LRRC41: variants seen among roughly 807,000 people sequenced by gnomAD.
The protein encoded by LRRC41 is leucine-rich repeat-containing protein 41.
In LRRC41, 17 loss-of-function variants were observed where a neutral mutation model predicts 72.1. The ratio of observed to expected loss-of-function variants is 0.24; its 90% confidence interval spans 0.16 to 0.35. The LOEUF (loss-of-function observed/expected upper bound fraction) is 0.35, where lower values mean the gene tolerates loss of function less well. LRRC41 is among the 10% of genes least tolerant of loss of function. LRRC41 has a pLI of 1.00. For missense variants in LRRC41, 759 were observed against 1,065.0 expected (o/e 0.71, Z 4.00); for synonymous variants, 427 against 431.0 (o/e 0.99, Z 0.11).
In LRRC41 at chr1:46,302,463, C is replaced by T; in HGVS notation, c.199+661G>A. On this transcript the variant is annotated intron_variant, in intron 1 of 9. Coordinates refer to ENST00000617190, the MANE Select transcript of LRRC41 (RefSeq NM_006369.5). The surrounding 1 kb of genome is among the most constrained non-coding windows in gnomAD (Gnocchi z 4.7). ...TCGGTCGCTTAGTCAGTTTGGCACC[C>T]GAGACCCCGGTTGTCGGTTCGCTCC... 1 of 985,422 alleles carries T rather than the reference C, an allele frequency of 1.0e-6. No homozygotes were observed. The highest frequency in any genetic ancestry group is 1.2e-6 in the Non-Finnish European group (1 of 829,922). The allele number at this position is 985,422 out of a possible 1,614,324, so 61.0% of individuals were successfully genotyped here. A position where few individuals can be genotyped will look rare whatever the true frequency, so the allele number is the denominator to read the frequency against.
intron 4 of LRRC41, among the ~76,000 whole-genome samples, chr1:46,281,924 C>T (rs1466418264): frequency 6.6e-6 from 1 of 152,136 alleles, no homozygotes; most frequent in Non-Finnish European, 1.5e-5. Flanking sequence ...ACTAAAAATA[C>T]AGAAATTAGC....
chr1:46,295,825 C>T (rs905255922), intron 3 of LRRC41, among the ~76,000 whole-genome samples: 1 of 152,210 alleles, frequency 6.6e-6, no homozygotes, highest in Non-Finnish European at 1.5e-5. Flanking sequence ...CTCATAAGGT[C>T]TGTTGTCCTC....
At chr1:46,280,362 C>T (rs772469884) in intron 6 of LRRC41, 34 bp downstream of exon 6, 3 of 1,614,070 alleles carry the variant, frequency 1.9e-6, no homozygotes, top group South Asian at 2.2e-5. Context: ...TCCCCACCTA[C>T]TCCTCTCCCT....
chr1:46,300,119 G>A (rs1167698546), intron 1 of LRRC41: 2 of 152,112 alleles, frequency 1.3e-5, no homozygotes, highest in Non-Finnish European at 2.9e-5. Flanking sequence ...CTTAAGTCCA[G>A]GAGTTTGAGA....
chr1:46,303,323 C>T lies in LRRC41; in HGVS notation c.-1G>A. 6 of 1,516,666 alleles carry T rather than the reference C, an allele frequency of 4.0e-6. No individual in the cohort carries two copies. Among genetic ancestry groups the T allele is most frequent in the Non-Finnish European group, 5.3e-6 (6 of 1,135,438 alleles). The allele number at this position is 1,516,666 out of a possible 1,614,324, so 94.0% of individuals were successfully genotyped here. A position where few individuals can be genotyped will look rare whatever the true frequency, so the allele number is the denominator to read the frequency against. On this transcript the variant is annotated 5_prime_UTR_variant, in exon 1 of 10. Transcript: ENST00000617190. Reference sequence around the variant, plus strand: ...CGCGCCAGGCCTCGGGCGCCGCCATCTTGGGGAGGTGCGCGAGCCCGAGAG... The same window carrying T: ...CGCGCCAGGCCTCGGGCGCCGCCATTTTGGGGAGGTGCGCGAGCCCGAGAG...
chr1:46,281,119 C>T lies in LRRC41; in HGVS notation c.1756+6G>A, dbSNP rs1660766086. Reference sequence around the variant, plus strand: ...CACACACACAAACACACACACAGTGCTTCACCTGGTATCTCCTCATCGCCT... The same window carrying T: ...CACACACACAAACACACACACAGTGTTTCACCTGGTATCTCCTCATCGCCT... On this transcript the variant is annotated splice_donor_region_variant and intron_variant, in intron 5 of 9. Coordinates refer to ENST00000617190, the MANE Select transcript of LRRC41 (RefSeq NM_006369.5). 6.2e-7 allele frequency: 1 copy of T among 1,613,524 alleles called. No homozygotes were observed. The highest frequency in any genetic ancestry group is 1.1e-5 in the South Asian group (1 of 91,038).
chr1:46,278,478 G>A lies in LRRC41; in HGVS notation c.*387C>T, dbSNP rs1349410580. 1.4e-6 allele frequency: 1 copy of A among 705,636 alleles called. No homozygotes were observed. The highest frequency in any genetic ancestry group is 1.8e-5 in the African/African-American group (1 of 55,974). The allele number at this position is 705,636 out of a possible 1,614,324, so 43.7% of individuals were successfully genotyped here. A position where few individuals can be genotyped will look rare whatever the true frequency, so the allele number is the denominator to read the frequency against. On this transcript the variant is annotated 3_prime_UTR_variant, in exon 10 of 10. Transcript: ENST00000617190. ...GAATAAAGGTATGAAAGGGTTTGAG[G>A]CCTGAGAGCAGTGTGGTAAGCCCAG...
intron 3 of LRRC41, among the ~76,000 whole-genome samples, chr1:46,291,342 ATTT>A (rs1186296345): frequency 1.3e-5 from 2 of 151,994 alleles, no homozygotes; most frequent in African/African-American, 4.8e-5. Context: ...TAGCCAAATT[ATTT>A]TTTTAAGAGA....
chr1:46,281,807 G>A (rs1225845661), intron 4 of LRRC41, among the ~76,000 whole-genome samples: 4 of 152,182 alleles, frequency 2.6e-5, no homozygotes, highest in Non-Finnish European at 4.4e-5. Context: ...AGCCGGGAGC[G>A]GTGGCTCACG....
At chr1:46,287,654 T>A (rs1173377273) in intron 3 of LRRC41, among the ~76,000 whole-genome samples, 1 of 152,234 alleles carries the variant, frequency 6.6e-6, no homozygotes, top group Non-Finnish European at 1.5e-5. Flanking sequence ...AACCTGCCTA[T>A]GTCCTTTCCT....
chr1:46,281,801 G>A (rs547001243), intron 4 of LRRC41, among the ~76,000 whole-genome samples: 4 of 152,298 alleles, frequency 2.6e-5, no homozygotes, highest in Non-Finnish European at 4.4e-5. Flanking sequence ...CCAGCTAGCC[G>A]GGAGCGGTGG....
intron 1 of LRRC41, among the ~76,000 whole-genome samples, chr1:46,301,169 C>T (rs1350057516): frequency 1.3e-5 from 2 of 152,148 alleles, no homozygotes; most frequent in Non-Finnish European, 2.9e-5. Flanking sequence ...CAGGAATTCT[C>T]ATCCCCAGTT....
rs1356611440 is a variant in LRRC41, at chr1:46,278,105, G to C, written c.*760C>G. ...GCCGACGTTGTGTCAACAGCCGTCA[G>C]ATCCGGCCACCCCCTGATGGTTCTG... On this transcript the variant is annotated 3_prime_UTR_variant, in exon 10 of 10. Transcript: ENST00000617190. The C allele has an allele frequency of 6.2e-7, 1 of 1,613,934 alleles. No individual in the cohort carries two copies. Among genetic ancestry groups the C allele is most frequent in the African/African-American group, 1.3e-5 (1 of 74,938 alleles).
intron 3 of LRRC41, among the ~76,000 whole-genome samples, chr1:46,290,587 C>A (rs1660986861): frequency 6.7e-6 from 1 of 148,504 alleles, no homozygotes; most frequent in African/African-American, 2.5e-5. Context: ...ATAATACTTG[C>A]TGTATTTAAT....
chr1:46,298,436 C>T, intron 1 of LRRC41, 66 bp from the exon 2 acceptor site: 1 of 969,030 alleles, frequency 1.0e-6, no homozygotes, highest in Non-Finnish European at 1.6e-6. Context: ...GGTTTCCAAG[C>T]ATTATTTATT....
intron 1 of LRRC41, chr1:46,300,029 C>T (rs1021490108): frequency 2.0e-5 from 3 of 152,300 alleles, no homozygotes; most frequent in South Asian, 2.1e-4. Flanking sequence ...CTGTCAATGG[C>T]ATCTCTGTCC....
In LRRC41 at chr1:46,290,615, CTTTTTTTT is replaced by C. The variant is rs549146330; in HGVS notation, c.358-4124_358-4117del. ...TATTTAATATTTCCATTGTTTCTAG[CTTTTTTTT>C]TTTTTTTTCCTCTGTCGCCCTGGTC... On this transcript the variant is annotated intron_variant, in intron 3 of 9. Coordinates refer to ENST00000617190, the MANE Select transcript of LRRC41 (RefSeq NM_006369.5). 2.2e-5 allele frequency among the ~76,000 whole-genome samples: 3 copies of C among 138,852 alleles called. No individual in the cohort carries two copies. In the East Asian group the frequency reaches 6.1e-4, roughly 28 times the overall value. The allele number at this position is 138,852 out of a possible 152,430, so 91.1% of individuals were successfully genotyped here.
intron 4 of LRRC41, chr1:46,284,259 G>A (rs1422866133): frequency 6.6e-6 from 1 of 152,242 alleles, no homozygotes; most frequent in African/African-American, 2.4e-5. Flanking sequence ...ATGCTGATAG[G>A]AGAGAGACGG....
chr1:46,293,799 T>C (rs2148323028), intron 3 of LRRC41, among the ~76,000 whole-genome samples: 1 of 152,098 alleles, frequency 6.6e-6, no homozygotes, highest in Admixed American at 6.6e-5. Context: ...AGTCTCACTA[T>C]GTCACCGAGG....
Sources: gnomAD v4.1 joint callset for allele counts (sites outside exome capture counted in the v4.1 genomes callset) on GRCh38, gnomAD v4.1.1 for gene constraint, Gnocchi (gnomAD v3.1) non-coding constraint, MANE v1.5 for transcripts, NCBI Gene and HGNC (gene_info 2026-07-23, HGNC 2026-07-21) for gene names.